The following HIBADH variants were observed in gnomAD, a reference collection of about 807,000 sequenced individuals.
HIBADH encodes 3-hydroxyisobutyrate dehydrogenase.
Under a neutral mutation model 36.1 loss-of-function variants are expected in HIBADH, and 25 were observed. That is an observed-to-expected ratio of 0.69 (90% CI 0.50 to 0.97). The LOEUF (loss-of-function observed/expected upper bound fraction) is 0.97, where lower values mean the gene tolerates loss of function less well. Among genes scored for constraint, HIBADH ranks in the 50% least tolerant of loss-of-function variants. The probability of loss-of-function intolerance (pLI) is 0.00; values close to 1 mark genes in which losing one functional copy is unlikely to be tolerated. For missense variants in HIBADH, 421 were observed against 418.0 expected (o/e 1.01, Z -0.06); for synonymous variants, 160 against 149.5 (o/e 1.07, Z -0.51).
At chr7:27,652,428 C>T (rs982525653) in intron 1 of HIBADH, among the ~76,000 whole-genome samples, 1 of 152,136 alleles carries the variant, frequency 6.6e-6, no homozygotes, top group Admixed American at 6.5e-5. Flanking sequence ...ATGAGACTTA[C>T]ACTTTAGGAA....
chr7:27,557,905 A>G (rs1784416344), intron 4 of HIBADH, among the ~76,000 whole-genome samples: 1 of 152,142 alleles, frequency 6.6e-6, no homozygotes, highest in African/African-American at 2.4e-5. Context: ...GTCTTTTAAA[A>G]CCATCTTTAC....
chr7:27,536,188 G>A (rs963638644), intron 6 of HIBADH, among the ~76,000 whole-genome samples: 1 of 152,040 alleles, frequency 6.6e-6, no homozygotes, highest in African/African-American at 2.4e-5. Context: ...TCTGTAAACC[G>A]TGAAGAAAAG....
intron 1 of HIBADH, among the ~76,000 whole-genome samples, chr7:27,659,995 G>T (rs369146782): frequency 1.8e-4 from 28 of 152,324 alleles, no homozygotes; most frequent in African/African-American, 6.0e-4. Flanking sequence ...GTTCAAGGTT[G>T]CAGTGAGCTA....
intron 2 of HIBADH, among the ~76,000 whole-genome samples, chr7:27,636,339 T>G (rs1323626823): frequency 1.3e-5 from 2 of 152,250 alleles, no homozygotes; most frequent in African/African-American, 2.4e-5. Context: ...TTTTTTAATC[T>G]TTAACAGTAC....
At chr7:27,656,542 G>A (rs368954461) in intron 1 of HIBADH, among the ~76,000 whole-genome samples, 5 of 152,032 alleles carry the variant, frequency 3.3e-5, no homozygotes, top group African/African-American at 1.2e-4. Context: ...AAAATGCTGA[G>A]CATTATCTAT....
At chr7:27,546,320 T>C (rs1329711320) in intron 4 of HIBADH, among the ~76,000 whole-genome samples, 1 of 152,128 alleles carries the variant, frequency 6.6e-6, no homozygotes, top group African/African-American at 2.4e-5. Context: ...GGTTTCACTT[T>C]ATTGCCCAGG....
intron 4 of HIBADH, among the ~76,000 whole-genome samples, chr7:27,607,268 G>C (rs1785245108): frequency 6.6e-6 from 1 of 151,956 alleles, no homozygotes; most frequent in Admixed American, 6.6e-5. Flanking sequence ...ACACTTTTGA[G>C]AGACCGAGGT....
intron 6 of HIBADH, among the ~76,000 whole-genome samples, chr7:27,533,759 C>T (rs1583556403): frequency 6.6e-6 from 1 of 152,088 alleles, no homozygotes; most frequent in East Asian, 1.9e-4. Flanking sequence ...CAAATTAATC[C>T]AAGACAGGTA....
intron 2 of HIBADH, among the ~76,000 whole-genome samples, chr7:27,638,308 CAAAAAAAA>C (rs368715218): frequency 9.0e-5 from 5 of 55,472 alleles, no homozygotes; most frequent in Non-Finnish European, 1.3e-4. Context: ...TTGGCAAAGT[CAAAAAAAA>C]AAAAAAAAAA....
chr7:27,634,270 G>A (rs1785798313), intron 2 of HIBADH, among the ~76,000 whole-genome samples: 1 of 152,052 alleles, frequency 6.6e-6, no homozygotes, highest in Non-Finnish European at 1.5e-5. Context: ...AATCTACAAT[G>A]AGATACATTC....
At chr7:27,586,085 A>G (rs142835919) in intron 4 of HIBADH, among the ~76,000 whole-genome samples, 1 of 152,298 alleles carries the variant, frequency 6.6e-6, no homozygotes, top group Admixed American at 6.5e-5. Flanking sequence ...TCTGCAATTT[A>G]TTCTTTAAAA....
intron 4 of HIBADH, among the ~76,000 whole-genome samples, chr7:27,585,283 GCA>G (rs1784844165): frequency 2.6e-5 from 4 of 151,232 alleles, no homozygotes; most frequent in African/African-American, 9.7e-5. Context: ...GTATGTATAT[GCA>G]CACACGTGTG....
chr7:27,618,010 G>A (rs142864038), intron 4 of HIBADH, among the ~76,000 whole-genome samples: 45 of 152,374 alleles, frequency 3.0e-4, no homozygotes, highest in African/African-American at 9.6e-4. Context: ...ACACTCTACA[G>A]TGTCTGAGAG....
intron 4 of HIBADH, among the ~76,000 whole-genome samples, chr7:27,578,317 T>G (rs1048204439): frequency 2.2e-5 from 2 of 89,290 alleles, no homozygotes; most frequent in Non-Finnish European, 4.1e-5. Context: ...AGTTCAATGT[T>G]TAGATTTTTT....
chr7:27,591,342 G>A (rs571710557), intron 4 of HIBADH, among the ~76,000 whole-genome samples: 7 of 152,242 alleles, frequency 4.6e-5, no homozygotes, highest in African/African-American at 1.7e-4. Context: ...ACGAGGTCAG[G>A]AGATCGAGAC....
At chr7:27,578,069 T>C (rs906805725) in intron 4 of HIBADH, among the ~76,000 whole-genome samples, 2 of 152,230 alleles carry the variant, frequency 1.3e-5, no homozygotes, top group African/African-American at 4.8e-5. Context: ...AATGAACATA[T>C]ATAAATCAAA....
At position 27,661,480 on chromosome 7, in the gene HIBADH, C is replaced by G. The variant is rs991625709; in HGVS notation, c.91+1218G>C. Reference sequence around the variant, plus strand: ...GCACATGCCTGTAATCCCAGCTACTCGGGAGGCTGAGGTGGGAGGATCACC... The same window carrying G: ...GCACATGCCTGTAATCCCAGCTACTGGGGAGGCTGAGGTGGGAGGATCACC... On this transcript the variant is annotated intron_variant, in intron 1 of 7. Transcript: ENST00000265395. Among the ~76,000 whole-genome samples, 3 of 149,884 alleles carry G rather than the reference C, an allele frequency of 2.0e-5. No homozygotes were observed. In the Admixed American group the frequency reaches 2.0e-4, roughly 10 times the overall value.
chr7:27,633,886 T>C (rs541472690), intron 2 of HIBADH, among the ~76,000 whole-genome samples: 1 of 152,330 alleles, frequency 6.6e-6, no homozygotes, highest in African/African-American at 2.4e-5. Context: ...GTAAGCATCT[T>C]ACAAATAGGA....
chr7:27,616,797 TAAAAA>T (rs34552407), intron 4 of HIBADH, among the ~76,000 whole-genome samples: 1 of 150,276 alleles, frequency 6.7e-6, no homozygotes, highest in Non-Finnish European at 1.5e-5. Flanking sequence ...AGTTAAAAGG[TAAAAA>T]AAAAAAAATT....
Sources: allele counts gnomAD v4.1 joint callset (sites outside exome capture counted in the v4.1 genomes callset), GRCh38; gene constraint gnomAD v4.1.1; transcripts MANE v1.5; gene names NCBI Gene and HGNC (gene_info 2026-07-23, HGNC 2026-07-21).